The following JARID2 variants were observed in gnomAD, a reference collection of about 807,000 sequenced individuals.
JARID2 encodes protein Jumonji.
A neutral mutation model predicts 125.6 loss-of-function variants in JARID2; 21 were observed. The ratio of observed to expected loss-of-function variants is 0.17; its 90% CI spans 0.12 to 0.24. The LOEUF is 0.24. JARID2 is among the 10% of genes least tolerant of loss of function. JARID2 has a pLI of 1.00. For synonymous variants in JARID2, 736 were observed against 661.6 expected, an observed-to-expected ratio of 1.11 and a Z score of -1.73; for missense variants, 1,303 against 1,639.6, an observed-to-expected ratio of 0.79 and a Z score of 3.55.
intron 1 of JARID2, among the ~76,000 whole-genome samples, chr6:15,255,965 G>A (rs1325297933): frequency 6.6e-6 from 1 of 152,196 alleles, no homozygotes; most frequent in East Asian, 1.9e-4. Context: ...TTGGCCTTGT[G>A]TTAAACTGGC....
intron 3 of JARID2, among the ~76,000 whole-genome samples, chr6:15,416,883 C>T (rs1364637882): frequency 6.6e-6 from 1 of 152,138 alleles, no homozygotes; most frequent in African/African-American, 2.4e-5. Flanking sequence ...GTATTTGCCC[C>T]ATCAGTCTCT....
intron 3 of JARID2, among the ~76,000 whole-genome samples, chr6:15,427,355 A>G (rs964331295): frequency 6.6e-6 from 1 of 152,212 alleles, no homozygotes; most frequent in Non-Finnish European, 1.5e-5. Flanking sequence ...CCTGGCAAAC[A>G]TACTAGCTTC....
chr6:15,494,934 G>C (rs958672749), intron 6 of JARID2, among the ~76,000 whole-genome samples: 3 of 152,112 alleles, frequency 2.0e-5, no homozygotes, highest in Admixed American at 1.3e-4. Flanking sequence ...CCTTCCTCTC[G>C]GGCTGTTGGG....
chr6:15,283,020 C>T (rs992476992), intron 1 of JARID2, among the ~76,000 whole-genome samples: 10 of 151,202 alleles, frequency 6.6e-5, no homozygotes, highest in African/African-American at 2.4e-4. Flanking sequence ...ACTCTGTTGC[C>T]CAGGCTGGAG....
chr6:15,265,182 A>C (rs2127338425), intron 1 of JARID2, among the ~76,000 whole-genome samples: 1 of 152,296 alleles, frequency 6.6e-6, no homozygotes, highest in East Asian at 1.9e-4. Flanking sequence ...CTTTAAAAGC[A>C]CAAGACTAAG....
chr6:15,509,709 C>G (rs960050730), intron 12 of JARID2, among the ~76,000 whole-genome samples: 5 of 152,186 alleles, frequency 3.3e-5, no homozygotes, highest in African/African-American at 1.2e-4. Context: ...GTGGCATGGC[C>G]TGTGTTCTGG....
intron 5 of JARID2, among the ~76,000 whole-genome samples, chr6:15,478,573 T>G (rs754763637): frequency 1.8e-4 from 27 of 152,126 alleles, no homozygotes; most frequent in Non-Finnish European, 3.8e-4. Flanking sequence ...GTAAACAGTT[T>G]ACAAATTCCT....
rs78689288 is a variant in JARID2 at position 15,323,609 on chromosome 6, A to G, written c.46-50508A>G. Among the ~76,000 whole-genome samples the G allele has an allele frequency of 5.3e-4, 81 of 152,286 alleles. No individual in the cohort carries two copies. The East Asian group carries it at 0.015, about 29-fold the overall frequency. On this transcript the variant is annotated intron_variant, in intron 1 of 17. Transcript: ENST00000341776. ...TAGGGGACACAAGGCAACCTGTAAC[A>G]TTTCTTAACATTGCCTTCCAAAGAA...
chr6:15,378,230 C>T (rs1478111389), intron 2 of JARID2, among the ~76,000 whole-genome samples: 2 of 151,060 alleles, frequency 1.3e-5, no homozygotes, highest in East Asian at 3.9e-4. Flanking sequence ...GTTCCCAACC[C>T]AAAAGATTCC....
intron 11 of JARID2, 122 bp from the exon 12 acceptor site, chr6:15,508,218 G>A: frequency 1.5e-6 from 1 of 646,130 alleles, no homozygotes; most frequent in East Asian, 2.8e-5. Flanking sequence ...TCTTTTGTCT[G>A]GCTTTGAGTC....
chr6:15,314,235 A>G (rs1488307523), intron 1 of JARID2, among the ~76,000 whole-genome samples: 2 of 152,118 alleles, frequency 1.3e-5, no homozygotes, highest in African/African-American at 4.8e-5. Flanking sequence ...GATTCTGTCA[A>G]ATTACCCATT....
intron 4 of JARID2, among the ~76,000 whole-genome samples, chr6:15,468,165 CTG>C (rs1768833146): frequency 8.3e-6 from 1 of 121,128 alleles, no homozygotes; most frequent in South Asian, 3.1e-4. Context: ...TCTGTCTTCT[CTG>C]TCTTTTTTTT....
chr6:15,392,782 TC>T (rs1430277929), intron 2 of JARID2, among the ~76,000 whole-genome samples: 1 of 151,438 alleles, frequency 6.6e-6, no homozygotes, highest in Non-Finnish European at 1.5e-5. Flanking sequence ...CCTCCCAGGT[TC>T]AAGTAATTCT....
At chr6:15,490,729 G>C (rs556455892) in intron 6 of JARID2, among the ~76,000 whole-genome samples, 72 of 152,372 alleles carry the variant, frequency 4.7e-4, no homozygotes, top group Non-Finnish European at 1.5e-4. Flanking sequence ...TAGTACTTCT[G>C]CTTACATGCA....
intron 17 of JARID2, among the ~76,000 whole-genome samples, chr6:15,518,386 T>A (rs1771667897): frequency 3.9e-5 from 6 of 152,176 alleles, no homozygotes; most frequent in Admixed American, 3.9e-4. Flanking sequence ...AATGGTTGGT[T>A]TTGATGAATT....
chr6:15,458,086 G>A (rs1477876479), intron 4 of JARID2, among the ~76,000 whole-genome samples: 4 of 152,246 alleles, frequency 2.6e-5, no homozygotes, highest in Non-Finnish European at 2.9e-5. Flanking sequence ...ACTGGCACAC[G>A]CGGGGAAGAG....
At chr6:15,409,665 C>T (rs1765795538) in intron 2 of JARID2, among the ~76,000 whole-genome samples, 1 of 152,172 alleles carries the variant, frequency 6.6e-6, no homozygotes, top group Non-Finnish European at 1.5e-5. Context: ...GAATCCTTAT[C>T]CTTTGAGATG....
At chr6:15,287,561 A>G (rs548007774) in intron 1 of JARID2, among the ~76,000 whole-genome samples, 33 of 152,370 alleles carry the variant, frequency 2.2e-4, no homozygotes, top group Admixed American at 1.2e-3. Flanking sequence ...TATTCAAAAT[A>G]TAAGGGAATG....
chr6:15,399,625 C>T (rs888900127), intron 2 of JARID2, among the ~76,000 whole-genome samples: 9 of 152,126 alleles, frequency 5.9e-5, no homozygotes, highest in East Asian at 3.8e-4. Context: ...AGAGAATACC[C>T]GCTAGCCTGG....
Sources: gnomAD v4.1 joint callset for allele counts (sites outside exome capture counted in the v4.1 genomes callset) on GRCh38, gnomAD v4.1.1 for gene constraint, MANE v1.5 for transcripts, NCBI Gene and HGNC (gene_info 2026-07-23, HGNC 2026-07-21) for gene names.